Variants in FTO observed in about 807,000 individuals in gnomAD.
FTO encodes the protein alpha-ketoglutarate-dependent dioxygenase FTO.
A neutral mutation model predicts 63.9 loss-of-function variants in FTO; 47 were observed. The observed-to-expected ratio is 0.74, with a 90% confidence interval of 0.58 to 0.94. The LOEUF (loss-of-function observed/expected upper bound fraction) is 0.94. FTO is among the 40% of genes least tolerant of loss of function. FTO has a pLI of 0.00. For synonymous variants in FTO, 207 were observed against 224.4 expected (o/e 0.92, Z 0.69); for missense variants, 562 against 618.1 (o/e 0.91, Z 0.96).
intron 1 of FTO, among the ~76,000 whole-genome samples, chr16:53,760,229 TGTGTGTGTGTGTGTGTGTGTG>T (rs2077028751): frequency 1.5e-5 from 1 of 67,720 alleles, no homozygotes; most frequent in South Asian, 4.2e-4. Flanking sequence ...TGTGTGTGTG[TGTGTGTGTGTGTGTGTGTGTG>T]TGTGTGTGTG....
At chr16:53,760,391 A>G (rs917129648) in intron 1 of FTO, among the ~76,000 whole-genome samples, 1 of 151,622 alleles carries the variant, frequency 6.6e-6, no homozygotes, top group South Asian at 2.1e-4. Flanking sequence ...GACTACAGGT[A>G]TGTACCACCA....
rs545255323 is a variant in FTO at position 53,765,758 on chromosome 16, A to G, written c.46-44382A>G. On this transcript the variant is annotated intron_variant, in intron 1 of 8. Transcript: ENST00000471389. ...CAGAGACAAAGCTCTGAGGTGCTAA[A>G]GAGCTTAGCATGTAGAAGGAACAGA... Among the ~76,000 whole-genome samples, 45 of 152,222 alleles carry G rather than the reference A, an allele frequency of 3.0e-4. No individual in the cohort carries two copies. The South Asian group carries it at 8.1e-3, about 27-fold the overall frequency.
intron 1 of FTO, among the ~76,000 whole-genome samples, chr16:53,747,558 T>G (rs1004920141): frequency 3.3e-5 from 5 of 152,132 alleles, no homozygotes; most frequent in Admixed American, 3.3e-4. Flanking sequence ...TAGAGGTATT[T>G]GAGTTTAGAT....
rs188947763 is a variant in FTO at position 53,709,947 on chromosome 16, T to C, written c.45+5718T>C. ...AGTTAACATTGATATAATGCTATTA[T>C]TTCATCCAAAGTCCATATTCAAATT... On this transcript the variant is annotated intron_variant, in intron 1 of 8. Coordinates refer to ENST00000471389, the MANE Select transcript of FTO (RefSeq NM_001080432.3). 2.3e-3 allele frequency among the ~76,000 whole-genome samples: 345 copies of C among 152,312 alleles called. 3 individuals are homozygous for C. The highest frequency in any genetic ancestry group is 7.9e-3 in the African/African-American group (327 of 41,588).
At chr16:54,082,602 G>A (rs117892926) in intron 8 of FTO, among the ~76,000 whole-genome samples, 1 of 152,298 alleles carries the variant, frequency 6.6e-6, no homozygotes, top group East Asian at 1.9e-4. Flanking sequence ...CTCAGGGTTT[G>A]CTGATAGCCT....
At chr16:54,095,210 A>C (rs1226531173) in intron 8 of FTO, among the ~76,000 whole-genome samples, 1 of 152,006 alleles carries the variant, frequency 6.6e-6, no homozygotes, top group Non-Finnish European at 1.5e-5. Context: ...TGGCTAATTT[A>C]TTTATTTTTT....
intron 4 of FTO, 70 bp downstream of exon 4, chr16:53,844,368 T>C: frequency 8.2e-7 from 1 of 1,212,198 alleles, no homozygotes; most frequent in South Asian, 1.2e-5. Flanking sequence ...ATTTATATTT[T>C]GAGTATGTCT....
intron 3 of FTO, among the ~76,000 whole-genome samples, chr16:53,840,256 T>A (rs929891730): frequency 2.0e-5 from 3 of 152,150 alleles, no homozygotes; most frequent in African/African-American, 7.2e-5. Flanking sequence ...CCCCCTAGAA[T>A]GAAGCAGCCA....
intron 1 of FTO, among the ~76,000 whole-genome samples, chr16:53,790,547 A>G (rs1179771756): frequency 7.0e-6 from 1 of 143,126 alleles, no homozygotes; most frequent in South Asian, 2.3e-4. Flanking sequence ...TAAGACCCCC[A>G]TCTCTATAAA....
At chr16:53,869,782 G>T (rs1162554618) in intron 4 of FTO, among the ~76,000 whole-genome samples, 2 of 151,994 alleles carry the variant, frequency 1.3e-5, no homozygotes, top group Non-Finnish European at 2.9e-5. Flanking sequence ...CGTCTACGTT[G>T]TCCTTTAGGG....
chr16:53,754,063 G>A (rs1362462571), intron 1 of FTO, among the ~76,000 whole-genome samples: 1 of 152,178 alleles, frequency 6.6e-6, no homozygotes, highest in Admixed American at 6.5e-5. Flanking sequence ...AAGCCCCACA[G>A]TTAGCCCTTT....
chr16:53,927,778 C>G (rs999997863), intron 7 of FTO, among the ~76,000 whole-genome samples: 12 of 152,142 alleles, frequency 7.9e-5, no homozygotes, highest in African/African-American at 2.9e-4. Flanking sequence ...AAATAAAACC[C>G]ACCCTCAAAG....
chr16:54,074,907 AGAGAGAGAGAGTGT>A (rs1269624346), intron 8 of FTO, among the ~76,000 whole-genome samples: 12 of 118,816 alleles, frequency 1.0e-4, no homozygotes, highest in African/African-American at 3.7e-4. Flanking sequence ...AGAGAGAGAG[AGAGAGAGAGAGTGT>A]GTGTGTGTGT....
intron 8 of FTO, among the ~76,000 whole-genome samples, chr16:54,003,050 TC>T: frequency 6.6e-6 from 1 of 152,314 alleles, no homozygotes; most frequent in Middle Eastern, 3.4e-3. Context: ...AATAGATGTT[TC>T]CCTTTTCCCA....
intron 4 of FTO, among the ~76,000 whole-genome samples, chr16:53,858,215 T>C (rs571336890): frequency 1.3e-5 from 2 of 152,322 alleles, no homozygotes; most frequent in South Asian, 4.1e-4. Context: ...TTCTTCATAT[T>C]TAACATCTCT....
chr16:54,058,578 G>A (rs1219772060), intron 8 of FTO, among the ~76,000 whole-genome samples: 1 of 152,270 alleles, frequency 6.6e-6, no homozygotes, highest in Middle Eastern at 3.4e-3. Context: ...CTTCAAGGAG[G>A]AGGAAAGCCT....
rs979490765 is a variant in FTO, at chr16:54,006,532, A to T, written c.1364+72423A>T. Among the ~76,000 whole-genome samples the T allele has an allele frequency of 3.3e-5, 5 of 152,204 alleles. No homozygotes were observed. The East Asian group carries it at 5.8e-4, about 18-fold the overall frequency. On this transcript the variant is annotated intron_variant, in intron 8 of 8. Transcript: ENST00000471389. ...ACAGTAAAGAAATAATGGGAAATACATTTCCTTTGCTGATATGGACTAATT... is the reference window on the plus strand; with the variant it reads ...ACAGTAAAGAAATAATGGGAAATACTTTTCCTTTGCTGATATGGACTAATT...
intron 8 of FTO, chr16:54,040,639 C>G (rs2085051319): frequency 6.6e-6 from 1 of 152,144 alleles, no homozygotes; most frequent in African/African-American, 2.4e-5. Flanking sequence ...AAAGACCAAG[C>G]CACAGTCACA....
At chr16:53,705,017 CTTT>C (rs35814419) in intron 1 of FTO, among the ~76,000 whole-genome samples, 3 of 146,714 alleles carry the variant, frequency 2.0e-5, no homozygotes, top group Non-Finnish European at 1.5e-5. Context: ...AATATGCCCA[CTTT>C]TTTTTTTTTT....
Sources: gnomAD v4.1 joint callset for allele counts (sites outside exome capture counted in the v4.1 genomes callset) on GRCh38, gnomAD v4.1.1 for gene constraint, MANE v1.5 for transcripts, NCBI Gene and HGNC (gene_info 2026-07-23, HGNC 2026-07-21) for gene names.